Variants in ZNF536 observed in about 807,000 individuals in gnomAD.
The protein encoded by ZNF536 is zinc finger protein 536.
ZNF536 carries 13 observed loss-of-function variants against 84.5 expected under a neutral mutation model. That is an observed-to-expected ratio of 0.15 (90% CI 0.10 to 0.24). ZNF536 has a LOEUF of 0.24. Among genes scored for constraint, ZNF536 ranks in the 10% least tolerant of loss-of-function variants. The probability of loss-of-function intolerance (pLI) is 1.00; values close to 1 mark genes in which losing one functional copy is unlikely to be tolerated. For missense variants in ZNF536, 1,536 were observed against 1,747.5 expected, an observed-to-expected ratio of 0.88 and a Z score of 2.16; for synonymous variants, 811 against 742.5, an observed-to-expected ratio of 1.09 and a Z score of -1.50.
At chr19:30,309,820 G>A (rs1457113707) in intron 2 of ZNF536, among the ~76,000 whole-genome samples, 3 of 152,078 alleles carry the variant, frequency 2.0e-5, no homozygotes, top group Admixed American at 6.6e-5. Context: ...CATCCCTGTC[G>A]CAGGGTGACT....
chr19:30,667,648 G>A (rs2050385686), intron 1 of ZNF536, among the ~76,000 whole-genome samples: 1 of 61,276 alleles, frequency 1.6e-5, no homozygotes, highest in African/African-American at 8.3e-5. Context: ...TTTAATTAAT[G>A]AGAAGTGAGG....
chr19:30,453,739 G>A (rs1296293776), intron 2 of ZNF536, among the ~76,000 whole-genome samples: 1 of 152,240 alleles, frequency 6.6e-6, no homozygotes, highest in Non-Finnish European at 1.5e-5. Context: ...TACCTGATGG[G>A]TGGGCCTGGG....
At chr19:30,338,135 A>G (rs1256113378) in intron 2 of ZNF536, among the ~76,000 whole-genome samples, 1 of 149,168 alleles carries the variant, frequency 6.7e-6, no homozygotes, top group Non-Finnish European at 1.5e-5. Context: ...GATGGTGATG[A>G]TGGTGATGAT....
intron 1 of ZNF536, among the ~76,000 whole-genome samples, chr19:30,583,791 CAGAT>C (rs2047003642): frequency 2.6e-5 from 4 of 152,158 alleles, no homozygotes; most frequent in Non-Finnish European, 4.4e-5. Context: ...AAATAACAGA[CAGAT>C]GGATGAATGG....
intron 2 of ZNF536, among the ~76,000 whole-genome samples, chr19:30,314,971 C>T (rs1052754264): frequency 1.1e-4 from 16 of 152,250 alleles, no homozygotes; most frequent in African/African-American, 3.4e-4. Flanking sequence ...CATGTCTCAG[C>T]GAGGCCTTTG....
chr19:30,548,183 C>A lies in ZNF536; in HGVS notation c.2564C>A (p.Ala855Glu), dbSNP rs759302611. ...LPGIDFRGGPASQQWTSGVLS... is the reference protein window; with the variant it reads ...LPGIDFRGGPESQQWTSGVLS... ...GGAATCGACTTCAGAGGAGGCCCTG[C>A]ATCTCAGCAGTGGACATCAGGGGTT... Residue 855 changes from alanine to glutamate, a missense_variant, in exon 4 of 5, where the codon GCA (alanine) becomes GAA (glutamate). Around this residue, in one of 8 missense-constraint regions of ZNF536, gnomAD observed 624 missense variants for 603.1 expected, o/e 1.03. Coordinates refer to ENST00000355537, the MANE Select transcript of ZNF536 (RefSeq NM_014717.3). 21 of 1,614,066 alleles carry A rather than the reference C, an allele frequency of 1.3e-5. No individual in the cohort carries two copies. The highest frequency in any genetic ancestry group is 1.8e-5 in the Non-Finnish European group (21 of 1,180,048).
At chr19:30,474,046 T>C (rs577975165) in intron 2 of ZNF536, among the ~76,000 whole-genome samples, 50 of 152,322 alleles carry the variant, frequency 3.3e-4, no homozygotes, top group Non-Finnish European at 8.8e-5. Context: ...TGTTCCGACA[T>C]GGATGAAGGA....
At chr19:30,710,569 T>C (rs2052422493) in intron 1 of ZNF536, among the ~76,000 whole-genome samples, 2 of 152,308 alleles carry the variant, frequency 1.3e-5, no homozygotes, top group African/African-American at 4.8e-5. Context: ...TATTCAGGGA[T>C]GGGAAGATCT....
intron 1 of ZNF536, among the ~76,000 whole-genome samples, chr19:30,631,325 G>A (rs1375615362): frequency 6.6e-6 from 1 of 152,172 alleles, no homozygotes; most frequent in Non-Finnish European, 1.5e-5. Flanking sequence ...AACAGTTTGG[G>A]GATGGAAATC....
At chr19:30,588,697 C>T (rs185166788) in intron 1 of ZNF536, among the ~76,000 whole-genome samples, 1 of 152,142 alleles carries the variant, frequency 6.6e-6, no homozygotes, top group Admixed American at 6.5e-5. Context: ...AGGCCCAGAA[C>T]CTTTTCAGGC....
intron 1 of ZNF536, among the ~76,000 whole-genome samples, chr19:30,710,439 C>T (rs982050869): frequency 3.9e-5 from 6 of 152,130 alleles, no homozygotes; most frequent in African/African-American, 1.4e-4. Flanking sequence ...ACTCTGGAGG[C>T]TAAGGCGGGA....
At chr19:30,595,059 G>A (rs958710213) in intron 1 of ZNF536, among the ~76,000 whole-genome samples, 1 of 152,142 alleles carries the variant, frequency 6.6e-6, no homozygotes, top group Non-Finnish European at 1.5e-5. Flanking sequence ...CCGCACAGAG[G>A]TAGGTCTCAA....
In ZNF536 at chr19:30,391,254, C is replaced by G. The variant is rs970763473; in HGVS notation, c.-3+18698C>G. Reference sequence around the variant, plus strand: ...GGTCCAAAGGGCCCACCTTCTGCCCCACATCTGTCCCAGTAGACTTGACTT... The same window carrying G: ...GGTCCAAAGGGCCCACCTTCTGCCCGACATCTGTCCCAGTAGACTTGACTT... On this transcript the variant is annotated intron_variant, in intron 1 of 4. Coordinates refer to ENST00000355537, the MANE Select transcript of ZNF536 (RefSeq NM_014717.3). Among the ~76,000 whole-genome samples the G allele has an allele frequency of 3.9e-5, 6 of 152,212 alleles. No individual in the cohort carries two copies. In the East Asian group the frequency reaches 9.6e-4, roughly 24 times the overall value.
At chr19:30,589,778 G>C (rs2047215453) in intron 1 of ZNF536, among the ~76,000 whole-genome samples, 1 of 152,180 alleles carries the variant, frequency 6.6e-6, no homozygotes, top group Admixed American at 6.5e-5. Context: ...CATTGATGGA[G>C]GGTTGCTTGT....
intron 1 of ZNF536, among the ~76,000 whole-genome samples, chr19:30,603,176 AGG>A (rs2047751167): frequency 1.3e-5 from 2 of 152,210 alleles, no homozygotes; most frequent in Admixed American, 1.3e-4. Context: ...TGGAGGCCTC[AGG>A]AGTATAAGAA....
At chr19:30,415,059 G>C (rs1311454717) in intron 1 of ZNF536, among the ~76,000 whole-genome samples, 1 of 142,404 alleles carries the variant, frequency 7.0e-6, no homozygotes, top group Non-Finnish European at 1.5e-5. Context: ...TCTTCTTCCT[G>C]CTTCTGCTTC....
intron 1 of ZNF536, among the ~76,000 whole-genome samples, chr19:30,271,556 T>G (rs141267522): frequency 3.3e-5 from 5 of 152,206 alleles, no homozygotes; most frequent in East Asian, 1.9e-4. Flanking sequence ...TCTGCCCAGA[T>G]AGCGAAATGA....
At chr19:30,506,885 T>C (rs1394071796) in intron 2 of ZNF536, among the ~76,000 whole-genome samples, 2 of 152,200 alleles carry the variant, frequency 1.3e-5, no homozygotes, top group African/African-American at 4.8e-5. Context: ...CAGTCTTAAC[T>C]CTTTTGCCCT....
At chr19:30,685,232 G>A (rs1488223754) in intron 1 of ZNF536, among the ~76,000 whole-genome samples, 3 of 152,188 alleles carry the variant, frequency 2.0e-5, no homozygotes, top group Admixed American at 1.3e-4. Flanking sequence ...GGGTGCGACT[G>A]CACCCCTGTC....
Sources: allele counts gnomAD v4.1 joint callset (sites outside exome capture counted in the v4.1 genomes callset), GRCh38; gene constraint gnomAD v4.1.1; regional missense constraint gnomAD v4.1.1; transcripts MANE v1.5; gene names NCBI Gene and HGNC (gene_info 2026-07-23, HGNC 2026-07-21).